Variants in CACNA1E observed in about 807,000 individuals in gnomAD.
The protein encoded by CACNA1E is voltage-dependent R-type calcium channel subunit alpha-1E.
A neutral mutation model predicts 259.2 loss-of-function variants in CACNA1E; 40 were observed. That is an observed-to-expected ratio of 0.15 (90% CI 0.12 to 0.20). CACNA1E has a LOEUF of 0.20. CACNA1E is among the 10% of genes least tolerant of loss of function. The pLI is 1.00. For synonymous variants in CACNA1E, 1,104 were observed against 1,138.5 expected (o/e 0.97, Z 0.61); for missense variants, 1,874 against 3,040.1 (o/e 0.62, Z 9.02).
At chr1:181,341,144 G>A (rs1652112973) in intron 1 of CACNA1E, among the ~76,000 whole-genome samples, 1 of 152,080 alleles carries the variant, frequency 6.6e-6, no homozygotes, top group Non-Finnish European at 1.5e-5. Flanking sequence ...TCCGAGAGGA[G>A]CACCTTCCTG....
At chr1:181,771,785 C>A in intron 36 of CACNA1E, 1 of 488,390 alleles carries the variant, frequency 2.0e-6, no homozygotes, top group Non-Finnish European at 3.6e-6. Flanking sequence ...GGGCTGAAAC[C>A]TTAGATAGCC....
At chr1:181,619,179 A>T (rs532568341) in intron 6 of CACNA1E, among the ~76,000 whole-genome samples, 11 of 137,454 alleles carry the variant, frequency 8.0e-5, no homozygotes, top group Middle Eastern at 3.8e-3. Context: ...ATACAGTACA[A>T]GGGGACGGGG....
At chr1:181,494,136 G>C (rs945575824) in intron 1 of CACNA1E, among the ~76,000 whole-genome samples, 1 of 152,054 alleles carries the variant, frequency 6.6e-6, no homozygotes, top group East Asian at 1.9e-4. Context: ...TTCCTCCTTT[G>C]GGCTCTCATA....
At chr1:181,739,889 T>C (rs937751976) in intron 25 of CACNA1E, among the ~76,000 whole-genome samples, 4 of 152,212 alleles carry the variant, frequency 2.6e-5, no homozygotes, top group Non-Finnish European at 5.9e-5. Context: ...GTGGGATTTT[T>C]TTCCCCCCTG....
chr1:181,528,204 A>G (rs1667509919), intron 3 of CACNA1E, among the ~76,000 whole-genome samples: 2 of 152,128 alleles, frequency 1.3e-5, no homozygotes, highest in Non-Finnish European at 2.9e-5. Context: ...TTCTCATGAT[A>G]GTGAATAAGT....
intron 1 of CACNA1E, among the ~76,000 whole-genome samples, chr1:181,341,865 T>A (rs950075741): frequency 4.6e-5 from 7 of 152,226 alleles, no homozygotes; most frequent in African/African-American, 1.7e-4. Context: ...ATGCTCACTC[T>A]GCATCTGACA....
intron 6 of CACNA1E, among the ~76,000 whole-genome samples, chr1:181,584,950 TGTAA>T (rs1651905679): frequency 6.6e-6 from 1 of 152,238 alleles, no homozygotes; most frequent in South Asian, 2.1e-4. Flanking sequence ...TTGTAGATAC[TGTAA>T]GTGTTACTGT....
At chr1:181,715,239 C>T (rs771025980) in intron 8 of CACNA1E, 99 bp from the exon 9 acceptor site, 85 of 726,254 alleles carry the variant, frequency 1.2e-4, no homozygotes, top group Non-Finnish European at 1.9e-4. Flanking sequence ...TCTGCTCTCT[C>T]TCTGTTGCCC....
chr1:181,773,611 T>C (rs1014555780), intron 37 of CACNA1E, among the ~76,000 whole-genome samples: 2 of 152,202 alleles, frequency 1.3e-5, no homozygotes, highest in South Asian at 4.1e-4. Flanking sequence ...CAGCACATTT[T>C]TATTGAGTGG....
intron 1 of CACNA1E, among the ~76,000 whole-genome samples, chr1:181,507,111 A>G (rs1348354397): frequency 1.3e-5 from 2 of 152,238 alleles, no homozygotes; most frequent in Non-Finnish European, 2.9e-5. Flanking sequence ...CACATCAGAT[A>G]GTGGGAAGAG....
At chr1:181,332,676 CA>C (rs1651380316) in intron 1 of CACNA1E, among the ~76,000 whole-genome samples, 1 of 152,182 alleles carries the variant, frequency 6.6e-6, no homozygotes, top group African/African-American at 2.4e-5. Context: ...GGAGACTTGA[CA>C]GATGTAATTA....
rs541836247 is a variant in CACNA1E at position 181,387,470 on chromosome 1, G to T, written c.-14-25663G>T. Among the ~76,000 whole-genome samples, 3 of 152,282 alleles carry T rather than the reference G, an allele frequency of 2.0e-5. No individual in the cohort carries two copies. In the South Asian group the frequency reaches 6.2e-4, roughly 32 times the overall value. On this transcript the variant is annotated intron_variant, in intron 1 of 11. Coordinates refer to the CACNA1E transcript ENST00000524607. ...AGTAATTGCTCTGAATGGATTTGGGGGTAATAGATGATCTGCCTCTTCCCC... is the reference window on the plus strand; with the variant it reads ...AGTAATTGCTCTGAATGGATTTGGGTGTAATAGATGATCTGCCTCTTCCCC...
chr1:181,471,975 A>G (rs1415560719), intron 2 of CACNA1E, among the ~76,000 whole-genome samples: 1 of 152,208 alleles, frequency 6.6e-6, no homozygotes, highest in Non-Finnish European at 1.5e-5. Context: ...AGCATTATTT[A>G]CAATAACTAG....
chr1:181,651,360 C>G lies in CACNA1E; in HGVS notation c.974C>G (p.Thr325Ser). Residue 325 changes from threonine to serine, a missense_variant, in exon 7 of 48, where the codon ACC (threonine) becomes AGC (serine). Thr to Ser is a moderately conservative substitution (Grantham distance 58). Transcript: ENST00000367573. ...LYNTNDALGA[T>S]WNWLYFIPLI... Reference sequence around the variant, plus strand: ...CAGACCAATGATGCCTTAGGAGCCACCTGGAATTGGCTGTACTTCATCCCC... The same window carrying G: ...CAGACCAATGATGCCTTAGGAGCCAGCTGGAATTGGCTGTACTTCATCCCC... 1 of 1,613,264 alleles carries G rather than the reference C, an allele frequency of 6.2e-7. No individual in the cohort carries two copies. The highest frequency in any genetic ancestry group is 2.2e-5 in the East Asian group (1 of 44,878).
At chr1:181,444,987 C>T (rs1451152851) in intron 2 of CACNA1E, among the ~76,000 whole-genome samples, 1 of 152,180 alleles carries the variant, frequency 6.6e-6, no homozygotes. Flanking sequence ...ATCTCTGGCT[C>T]ACTGATGGCA....
chr1:181,784,648 T>G lies in CACNA1E; in HGVS notation c.5471-13T>G, dbSNP rs1279090616. The G allele has an allele frequency of 6.5e-7, 1 of 1,530,932 alleles. No individual in the cohort carries two copies. The highest frequency in any genetic ancestry group is 8.9e-7 in the Non-Finnish European group (1 of 1,127,314). The allele number at this position is 1,530,932 out of a possible 1,614,324, so 94.8% of individuals were successfully genotyped here. Reference sequence around the variant, plus strand: ...GGGTCTATTCTATTTATTAGTAATTTATCTTATTCTAGGTGGTGCAGACAG... The same window carrying G: ...GGGTCTATTCTATTTATTAGTAATTGATCTTATTCTAGGTGGTGCAGACAG... On this transcript the variant is annotated splice_polypyrimidine_tract_variant and intron_variant, in intron 40 of 47. Coordinates refer to ENST00000367573, the MANE Select transcript of CACNA1E (RefSeq NM_001205293.3).
intron 6 of CACNA1E, among the ~76,000 whole-genome samples, chr1:181,630,195 T>G (rs1656586115): frequency 6.6e-6 from 1 of 152,176 alleles, no homozygotes; most frequent in South Asian, 2.1e-4. Context: ...CCTTTGTAAT[T>G]TAATGTACAA....
intron 35 of CACNA1E, among the ~76,000 whole-genome samples, chr1:181,767,300 C>CAAAG (rs1219430865): frequency 6.6e-6 from 1 of 152,154 alleles, no homozygotes; most frequent in African/African-American, 2.4e-5. Flanking sequence ...AAGGATCTTT[C>CAAAG]AAAGATGATG....
Position 181,348,765 on chromosome 1 carries a change from T to C in CACNA1E, c.-15+30642T>C, listed in dbSNP as rs534758791. Among the ~76,000 whole-genome samples the C allele has an allele frequency of 6.6e-5, 10 of 152,360 alleles. No individual in the cohort carries two copies. The East Asian group carries it at 1.9e-3, about 29-fold the overall frequency. On this transcript the variant is annotated intron_variant, in intron 1 of 11. Transcript: ENST00000524607. Reference sequence around the variant, plus strand: ...CATATTCTGCTTTCAGCTGCTCTACTGGGCATCTGTGCCTGGAGACATCGA... The same window carrying C: ...CATATTCTGCTTTCAGCTGCTCTACCGGGCATCTGTGCCTGGAGACATCGA...
Sources: gnomAD v4.1 joint callset for allele counts (sites outside exome capture counted in the v4.1 genomes callset) on GRCh38, gnomAD v4.1.1 for gene constraint, MANE v1.5 for transcripts, NCBI Gene and HGNC (gene_info 2026-07-23, HGNC 2026-07-21) for gene names.